Variants in GALNT11 observed in about 807,000 individuals in gnomAD.
The protein encoded by GALNT11 is polypeptide N-acetylgalactosaminyltransferase 11, also known as UDP-GalNAc:polypeptide N-acetylgalactosaminyltransferase 11.
In GALNT11, 47 loss-of-function variants were observed where a neutral mutation model predicts 72.7. The observed-to-expected ratio is 0.65, with a 90% CI of 0.51 to 0.82. The LOEUF (loss-of-function observed/expected upper bound fraction) is 0.82. Among genes scored for constraint, GALNT11 ranks in the 40% least tolerant of loss-of-function variants. The pLI is 0.00. For synonymous variants in GALNT11, 270 were observed against 286.6 expected (o/e 0.94, Z 0.58); for missense variants, 677 against 778.4 (o/e 0.87, Z 1.55).
intron 2 of GALNT11, among the ~76,000 whole-genome samples, chr7:152,096,876 G>A (rs1342481064): frequency 3.9e-5 from 6 of 152,142 alleles, no homozygotes; most frequent in African/African-American, 1.4e-4. Flanking sequence ...CACCTGCGGT[G>A]GAGGGCAGTG....
chr7:152,099,222 A>C (rs1402288352), intron 2 of GALNT11, among the ~76,000 whole-genome samples: 2 of 151,916 alleles, frequency 1.3e-5, no homozygotes, highest in Non-Finnish European at 2.9e-5. Flanking sequence ...GATTACAGGC[A>C]TGAGCCACCA....
intron 7 of GALNT11, among the ~76,000 whole-genome samples, chr7:152,111,316 G>A (rs995061995): frequency 6.6e-6 from 1 of 151,074 alleles, no homozygotes; most frequent in Non-Finnish European, 1.5e-5. Flanking sequence ...CGCCACACCT[G>A]GCTAATTTTC....
intron 7 of GALNT11, 131 bp downstream of exon 7, chr7:152,110,776 G>A: frequency 1.4e-6 from 1 of 707,318 alleles, no homozygotes; most frequent in East Asian, 2.9e-5. Flanking sequence ...TGCTGCCCAG[G>A]TTGGAGTGCA....
intron 6 of GALNT11, among the ~76,000 whole-genome samples, chr7:152,109,566 CTT>C (rs1246991289): frequency 6.6e-6 from 1 of 152,080 alleles, no homozygotes; most frequent in Non-Finnish European, 1.5e-5. Context: ...CAGTTAAAGT[CTT>C]TGCTTGATAA....
At chr7:152,085,197 T>C (rs1208320715) in intron 1 of GALNT11, among the ~76,000 whole-genome samples, 1 of 152,196 alleles carries the variant, frequency 6.6e-6, no homozygotes, top group Non-Finnish European at 1.5e-5. Flanking sequence ...TGTACCTCCC[T>C]GGCAAAAACC....
At chr7:152,093,111 C>T (rs1407262301) in intron 1 of GALNT11, among the ~76,000 whole-genome samples, 2 of 152,042 alleles carry the variant, frequency 1.3e-5, no homozygotes, top group African/African-American at 2.4e-5. Flanking sequence ...CACCTGTAAT[C>T]CCAGCTACTT....
At chr7:152,051,609 A>C (rs2083409843) in intron 1 of GALNT11, among the ~76,000 whole-genome samples, 1 of 152,128 alleles carries the variant, frequency 6.6e-6, no homozygotes, top group Non-Finnish European at 1.5e-5. Context: ...CTCTGCACTC[A>C]CCAAAATATT....
At chr7:152,106,840 A>G (rs2087615368) in intron 5 of GALNT11, among the ~76,000 whole-genome samples, 1 of 152,118 alleles carries the variant, frequency 6.6e-6, no homozygotes, top group African/African-American at 2.4e-5. Flanking sequence ...AATTGGTGTT[A>G]ATTGGAAAAA....
chr7:152,045,079 A>G (rs2083053740), intron 1 of GALNT11, among the ~76,000 whole-genome samples: 1 of 152,158 alleles, frequency 6.6e-6, no homozygotes, highest in Non-Finnish European at 1.5e-5. Flanking sequence ...GATTTGATGT[A>G]TCATATTGAT....
rs748641502 is a variant in GALNT11 at position 152,118,729 on chromosome 7, C to A, written c.1504C>A (p.Gln502Lys). ...KCLVAQGRPSQKGGLVVLKAC... is the reference protein window; with the variant it reads ...KCLVAQGRPSKKGGLVVLKAC... ...CCTGGTGGCCCAGGGCCGCCCAAGT[C>A]AGAAGGGAGGTCTCGTGGTGCTTAA... is the stretch of plus-strand genomic sequence containing the variant. Residue 502 changes from glutamine (Q) to lysine (K), a missense_variant, in exon 10 of 12, where the codon CAG becomes AAG. Gln to Lys is a moderately conservative substitution (Grantham distance 53). Coordinates refer to ENST00000430044, the MANE Select transcript of GALNT11 (RefSeq NM_022087.4). The A allele has an allele frequency of 3.7e-6, 6 of 1,611,872 alleles. No homozygotes were observed. The highest frequency in any genetic ancestry group is 5.1e-6 in the Non-Finnish European group (6 of 1,179,264).
intron 1 of GALNT11, among the ~76,000 whole-genome samples, chr7:152,038,378 C>T (rs929624049): frequency 2.6e-5 from 4 of 152,318 alleles, no homozygotes; most frequent in Middle Eastern, 3.4e-3. Flanking sequence ...TGCTTACCTG[C>T]AGCATAAGTA....
intron 2 of GALNT11, among the ~76,000 whole-genome samples, chr7:152,097,125 G>A (rs546699951): frequency 6.6e-6 from 1 of 152,234 alleles, no homozygotes; most frequent in South Asian, 2.1e-4. Context: ...ACTGTGCCTG[G>A]GCCCAAACAG....
chr7:152,076,929 T>C (rs1010373317), intron 1 of GALNT11, among the ~76,000 whole-genome samples: 1 of 152,218 alleles, frequency 6.6e-6, no homozygotes, highest in African/African-American at 2.4e-5. Flanking sequence ...AAAAAAGTTT[T>C]CTGAAAAAGG....
intron 4 of GALNT11, 93 bp downstream of exon 4, chr7:152,103,371 G>GT: frequency 7.6e-7 from 1 of 1,317,730 alleles, no homozygotes; most frequent in East Asian, 2.5e-5. Context: ...CAAGTACGTG[G>GT]TAGGTGGGGA....
intron 1 of GALNT11, among the ~76,000 whole-genome samples, chr7:152,073,646 T>C (rs919411552): frequency 1.3e-5 from 2 of 152,216 alleles, no homozygotes; most frequent in African/African-American, 4.8e-5. Flanking sequence ...TCCTTTCCTT[T>C]GGATAAATGC....
chr7:152,089,657 G>A (rs930603786), intron 1 of GALNT11, among the ~76,000 whole-genome samples: 2 of 152,336 alleles, frequency 1.3e-5, no homozygotes, highest in Middle Eastern at 3.4e-3. Flanking sequence ...GAGCTGGAAC[G>A]TGCCCGTGAG....
chr7:152,069,749 T>C (rs568494665), intron 1 of GALNT11, among the ~76,000 whole-genome samples: 1 of 152,336 alleles, frequency 6.6e-6, no homozygotes, highest in South Asian at 2.1e-4. Flanking sequence ...AATGTCAGCA[T>C]GATATATCTT....
rs1428292901 is a variant in GALNT11, at chr7:152,094,831, G to A, written c.295+309G>A. Among the ~76,000 whole-genome samples the A allele has an allele frequency of 6.6e-6, 1 of 152,142 alleles. No homozygotes were observed. The highest frequency in any genetic ancestry group is 6.6e-5 in the Admixed American group (1 of 15,264). Reference sequence around the variant, plus strand: ...TTTTTTGTTTGTTTTTTTAAGAGATGGGGTCTCACCATATTGCCCAGGCTG... The same window carrying A: ...TTTTTTGTTTGTTTTTTTAAGAGATAGGGTCTCACCATATTGCCCAGGCTG... On this transcript the variant is annotated intron_variant, in intron 2 of 11. Transcript: ENST00000430044. This position sits in a 1 kb window ranked among gnomAD's most constrained non-coding sequence, Gnocchi z 4.3.
chr7:152,086,658 C>A (rs2085666279), intron 1 of GALNT11, among the ~76,000 whole-genome samples: 1 of 152,134 alleles, frequency 6.6e-6, no homozygotes, highest in Non-Finnish European at 1.5e-5. Flanking sequence ...TTGGTGAGGT[C>A]TTTGAGCAGA....
Sources: allele counts gnomAD v4.1 joint callset (sites outside exome capture counted in the v4.1 genomes callset), GRCh38; gene constraint gnomAD v4.1.1; non-coding constraint Gnocchi (gnomAD v3.1); transcripts MANE v1.5; gene names NCBI Gene and HGNC (gene_info 2026-07-23, HGNC 2026-07-21).